The following TPMT variants were observed in gnomAD, a reference collection of about 807,000 sequenced individuals.
TPMT encodes the protein thiopurine S-methyltransferase.
In TPMT, 18 loss-of-function variants were observed where a neutral mutation model predicts 34.2. The observed-to-expected ratio is 0.53, with a 90% CI of 0.36 to 0.78. TPMT has a LOEUF of 0.78. Ranked by LOEUF, TPMT falls within the 30% of genes least tolerant of loss-of-function variation. The pLI, the probability that TPMT is intolerant of heterozygous loss-of-function variation, is 0.00. For missense variants in TPMT, 265 were observed against 288.1 expected (o/e 0.92, Z 0.58); for synonymous variants, 69 against 92.4 (o/e 0.75, Z 1.45).
At position 18,146,419 on chromosome 6, in the gene TPMT, C is replaced by T. The variant is rs763847327; in HGVS notation, c.233+1404G>A. Among the ~76,000 whole-genome samples, 2 of 152,010 alleles carry T rather than the reference C, an allele frequency of 1.3e-5. No homozygotes were observed. The highest frequency in any genetic ancestry group is 4.8e-5 in the African/African-American group (2 of 41,388). On this transcript the variant is annotated intron_variant, in intron 3 of 8. Transcript: ENST00000309983. The surrounding 1 kb of genome is among the most constrained non-coding windows in gnomAD (Gnocchi z 6.2). Reference sequence around the variant, plus strand: ...TTCACCATGTTGGCCAGGCTGGTCTCGAACTCCTGACCTCAAGTGATCCGC... The same window carrying T: ...TTCACCATGTTGGCCAGGCTGGTCTTGAACTCCTGACCTCAAGTGATCCGC...
chr6:18,133,819 G>A lies in TPMT; in HGVS notation c.565C>T (p.Pro189Ser). Residue 189 changes from proline (P) to serine (S), a missense_variant, in exon 7 of 9, where the codon CCA becomes TCA. Pro to Ser is a moderately conservative substitution (Grantham distance 74). Transcript: ENST00000309983. ...QYLLCVLSYD[P>S]TKHPGPPFYV... The stretch of plus-strand genomic sequence containing the variant: ...ACAACTTTACCTGGATGTTTAGTTG[G>A]ATCATAAGAAAGAACACACAGGAGA... 1 of 1,608,832 alleles carries A rather than the reference G, an allele frequency of 6.2e-7. No homozygotes were observed. Among genetic ancestry groups the A allele is most frequent in the Non-Finnish European group, 8.5e-7 (1 of 1,178,362 alleles).
rs1375069991 is a variant in TPMT, at chr6:18,143,231, AG to A, written c.366+364del. On this transcript the variant is annotated intron_variant, in intron 4 of 8. Coordinates refer to ENST00000309983, the MANE Select transcript of TPMT (RefSeq NM_000367.5). The surrounding 1 kb of genome is among the most constrained non-coding windows in gnomAD (Gnocchi z 6.1). ...CCTGTTTCTCTTCTCTCCTAAACTA[AG>A]AGATTCTTTAGGGGTGGGAGTGAGG... Among the ~76,000 whole-genome samples, 5 of 152,064 alleles carry A rather than the reference AG, an allele frequency of 3.3e-5. No individual in the cohort carries two copies. Among genetic ancestry groups the A allele is most frequent in the African/African-American group, 1.2e-4 (5 of 41,412 alleles).
In TPMT at chr6:18,132,231, T is replaced by C; in HGVS notation, c.581-54A>G. ...TTATTTCCAATGACGTAGGTGTACT[T>C]GTTCTACATACAACTTCATTATCCA... On this transcript the variant is annotated intron_variant, in intron 7 of 8. Coordinates refer to ENST00000309983, the MANE Select transcript of TPMT (RefSeq NM_000367.5). This position sits in a 1 kb window ranked among gnomAD's most constrained non-coding sequence, Gnocchi z 4.8. 1.3e-6 allele frequency: 2 copies of C among 1,538,546 alleles called. No individual in the cohort carries two copies. The highest frequency in any genetic ancestry group is 2.2e-5 in the South Asian group (2 of 88,964).
rs1784195607 is a variant in TPMT at position 18,143,784 on chromosome 6, G to A, written c.234-56C>T. The A allele has an allele frequency of 6.3e-7, 1 of 1,596,862 alleles. No individual in the cohort carries two copies. Among genetic ancestry groups the A allele is most frequent in the African/African-American group, 1.3e-5 (1 of 74,422 alleles). ...TATGTTTTCAAATGACTAAATAGAG[G>A]GTTATATTAGAGTAAGCATATATTT... On this transcript the variant is annotated intron_variant, in intron 3 of 8. Coordinates refer to ENST00000309983, the MANE Select transcript of TPMT (RefSeq NM_000367.5). The surrounding 1 kb of genome is among the most constrained non-coding windows in gnomAD (Gnocchi z 6.1).
Position 18,143,554 on chromosome 6 carries a change from G to T in TPMT, c.366+42C>A, listed in dbSNP as rs1470943145. The T allele has an allele frequency of 1.2e-6, 2 of 1,611,024 alleles. No individual in the cohort carries two copies. Among genetic ancestry groups the T allele is most frequent in the South Asian group, 2.2e-5 (2 of 90,910 alleles). On this transcript the variant is annotated intron_variant, in intron 4 of 8. Transcript: ENST00000309983. The surrounding 1 kb of genome is among the most constrained non-coding windows in gnomAD (Gnocchi z 6.1). The stretch of plus-strand genomic sequence containing the variant: ...AATACTCACACTGAGAAAAACTTTT[G>T]TGGGGATATGGATACAATTATTTAC...
chr6:18,152,731 A>G (rs941731596), intron 1 of TPMT, among the ~76,000 whole-genome samples: 24 of 152,094 alleles, frequency 1.6e-4, no homozygotes, highest in Non-Finnish European at 1.2e-4. Context: ...CCAAGAGTAG[A>G]TAGAGCGTCA....
rs1336878646 is a variant in TPMT, at chr6:18,130,406, A to C, written c.*262T>G. ...CATGCTGATTGGTAAAATATCTTGC[A>C]ATCTGCAAGACACATAGGCATAATC... is the stretch of plus-strand genomic sequence containing the variant. On this transcript the variant is annotated 3_prime_UTR_variant, in exon 9 of 9. Coordinates refer to ENST00000309983, the MANE Select transcript of TPMT (RefSeq NM_000367.5). This position sits in a 1 kb window ranked among gnomAD's most constrained non-coding sequence, Gnocchi z 4.2. The C allele has an allele frequency of 1.8e-5, 7 of 388,558 alleles. No homozygotes were observed. The highest frequency in any genetic ancestry group is 3.3e-5 in the Non-Finnish European group (7 of 212,686). The allele number at this position is 388,558 out of a possible 1,614,324, so 24.1% of individuals were successfully genotyped here. A position where few individuals can be genotyped will look rare whatever the true frequency, so the allele number is the denominator to read the frequency against.
Position 18,153,445 on chromosome 6 carries a change from A to T in TPMT, c.-45+1588T>A, listed in dbSNP as rs1784392334. On this transcript the variant is annotated intron_variant, in intron 1 of 8. Coordinates refer to ENST00000309983, the MANE Select transcript of TPMT (RefSeq NM_000367.5). This position sits in a 1 kb window ranked among gnomAD's most constrained non-coding sequence, Gnocchi z 4.2. ...CTAGTTTGGATTATACTAGCATGCT[A>T]TTATTGGTGGTTCTAATTTAATGAT... 6.6e-6 allele frequency among the ~76,000 whole-genome samples: 1 copy of T among 152,222 alleles called. No homozygotes were observed. The highest frequency in any genetic ancestry group is 1.5e-5 in the Non-Finnish European group (1 of 68,034).
rs1323577507 is a variant in TPMT, at chr6:18,146,459, G to C, written c.233+1364C>G. ...AAGTGATCCGCTCACCTAATTAAAG[G>C]TGTGAGCCACCGCACCTGGCCAGTT... On this transcript the variant is annotated intron_variant, in intron 3 of 8. Transcript: ENST00000309983. The surrounding 1 kb of genome is among the most constrained non-coding windows in gnomAD (Gnocchi z 6.2). Among the ~76,000 whole-genome samples, 1 of 152,032 alleles carries C rather than the reference G, an allele frequency of 6.6e-6. No individual in the cohort carries two copies. The highest frequency in any genetic ancestry group is 1.5e-5 in the Non-Finnish European group (1 of 68,024).
At position 18,153,704 on chromosome 6, in the gene TPMT, G is replaced by A. The variant is rs1304939985; in HGVS notation, c.-45+1329C>T. The stretch of plus-strand genomic sequence containing the variant: ...TCTGAGAGGTCAGTAGAAAGTATCT[G>A]ATTTATATTGGGTACAGAAAAGCAA... On this transcript the variant is annotated intron_variant, in intron 1 of 8. Transcript: ENST00000309983. This position sits in a 1 kb window ranked among gnomAD's most constrained non-coding sequence, Gnocchi z 4.2. 2.6e-5 allele frequency among the ~76,000 whole-genome samples: 4 copies of A among 152,036 alleles called. No homozygotes were observed. The highest frequency in any genetic ancestry group is 5.9e-5 in the Non-Finnish European group (4 of 68,034).
chr6:18,152,587 CTTTCTTTTTTTT>C (rs1211217805), intron 1 of TPMT, among the ~76,000 whole-genome samples: 2 of 148,996 alleles, frequency 1.3e-5, no homozygotes, highest in Admixed American at 1.3e-4. Context: ...CCTTTTCTTT[CTTTCTTTTTTTT>C]TTTTTTGAGA....
intron 4 of TPMT, among the ~76,000 whole-genome samples, chr6:18,142,231 C>T (rs1784157052): frequency 6.6e-6 from 1 of 151,874 alleles, no homozygotes; most frequent in South Asian, 2.1e-4. Context: ...TAAACCTCCA[C>T]TCCTGAACTC....
intron 7 of TPMT, among the ~76,000 whole-genome samples, chr6:18,133,461 G>A (rs1377194666): frequency 6.6e-6 from 1 of 152,208 alleles, no homozygotes; most frequent in East Asian, 1.9e-4. Context: ...TACCACTTGG[G>A]TGATACGGAT....
rs1784033184 is a variant in TPMT, at chr6:18,135,835, C to T, written c.495-1946G>A. On this transcript the variant is annotated intron_variant, in intron 6 of 8. Coordinates refer to ENST00000309983, the MANE Select transcript of TPMT (RefSeq NM_000367.5). The surrounding 1 kb of genome is among the most constrained non-coding windows in gnomAD (Gnocchi z 5.0). ...AGTGAGCCGAGATCATGCCATTGCA[C>T]TCCAGCCTGGGCAACAAGAGTGGAA... Among the ~76,000 whole-genome samples the T allele has an allele frequency of 6.6e-6, 1 of 152,090 alleles. No individual in the cohort carries two copies.
rs114600124 is a variant in TPMT at position 18,134,556 on chromosome 6, G to T, written c.495-667C>A. 7.4e-3 allele frequency among the ~76,000 whole-genome samples: 1,133 copies of T among 152,284 alleles called. 11 individuals are homozygous for T. The highest frequency in any genetic ancestry group is 0.026 in the African/African-American group (1,061 of 41,564). ...TTGAGTAGGTGCCTCAGGGAGCCAG[G>T]TCTGATTGGCTCAGAGTGGGAAGCT... On this transcript the variant is annotated intron_variant, in intron 6 of 8. Coordinates refer to ENST00000309983, the MANE Select transcript of TPMT (RefSeq NM_000367.5).
In TPMT at chr6:18,130,624, C is replaced by T. The variant is rs886061265; in HGVS notation, c.*44G>A. On this transcript the variant is annotated 3_prime_UTR_variant, in exon 9 of 9. Transcript: ENST00000309983. The surrounding 1 kb of genome is among the most constrained non-coding windows in gnomAD (Gnocchi z 4.2). ...TCAGGCTTTAGCATAATTTTCAATT[C>T]CTCAAAAACATGTCAGTGTGATTTT... is the stretch of plus-strand genomic sequence containing the variant. 2.2e-5 allele frequency: 29 copies of T among 1,302,538 alleles called. No individual in the cohort carries two copies. Among genetic ancestry groups the T allele is most frequent in the Non-Finnish European group, 3.2e-5 (29 of 900,170 alleles). 80.7% of individuals were successfully genotyped at this position (1,302,538 alleles called of 1,614,324 possible). A position where few individuals can be genotyped will look rare whatever the true frequency, so the allele number is the denominator to read the frequency against.
rs1038727797 is a variant in TPMT at position 18,139,212 on chromosome 6, C to T, written c.420-175G>A. Among the ~76,000 whole-genome samples, 1 of 152,104 alleles carries T rather than the reference C, an allele frequency of 6.6e-6. No homozygotes were observed. Among genetic ancestry groups the T allele is most frequent in the African/African-American group, 2.4e-5 (1 of 41,418 alleles). Reference sequence around the variant, plus strand: ...CTGGGTGTGGAGAGCTGTCCATCCCCTCATGGTTTTAGGAGCCTGTGGCAG... The same window carrying T: ...CTGGGTGTGGAGAGCTGTCCATCCCTTCATGGTTTTAGGAGCCTGTGGCAG... On this transcript the variant is annotated intron_variant, in intron 5 of 8. Transcript: ENST00000309983. The surrounding 1 kb of genome is among the most constrained non-coding windows in gnomAD (Gnocchi z 4.2).
At position 18,148,255 on chromosome 6, in the gene TPMT, C is replaced by T. The variant is rs373780271; in HGVS notation, c.141-340G>A. On this transcript the variant is annotated intron_variant, in intron 2 of 8. Transcript: ENST00000309983. This position sits in a 1 kb window ranked among gnomAD's most constrained non-coding sequence, Gnocchi z 4.1. The stretch of plus-strand genomic sequence containing the variant: ...ATTTTTCAACATTAATTTCATGGTA[C>T]GTTCTCTAAACGTGTACTCAAGCCT... 6.6e-6 allele frequency among the ~76,000 whole-genome samples: 1 copy of T among 152,052 alleles called. No individual in the cohort carries two copies. The highest frequency in any genetic ancestry group is 1.5e-5 in the Non-Finnish European group (1 of 68,018).
In TPMT at chr6:18,130,538, T is replaced by C; in HGVS notation, c.*130A>G. ...AGTAAATGGCTTTACTAAAAAGCCA[T>C]TTTTAGTAAAGATCTATCATATGAT... On this transcript the variant is annotated 3_prime_UTR_variant, in exon 9 of 9. Coordinates refer to ENST00000309983, the MANE Select transcript of TPMT (RefSeq NM_000367.5). The surrounding 1 kb of genome is among the most constrained non-coding windows in gnomAD (Gnocchi z 4.2). The C allele has an allele frequency of 1.4e-6, 1 of 689,846 alleles. No individual in the cohort carries two copies. Among genetic ancestry groups the C allele is most frequent in the Non-Finnish European group, 2.5e-6 (1 of 407,644 alleles). The allele number at this position is 689,846 out of a possible 1,614,324, so 42.7% of individuals were successfully genotyped here. A position where few individuals can be genotyped will look rare whatever the true frequency, so the allele number is the denominator to read the frequency against.
Sources: allele counts gnomAD v4.1 joint callset (sites outside exome capture counted in the v4.1 genomes callset), GRCh38; gene constraint gnomAD v4.1.1; non-coding constraint Gnocchi (gnomAD v3.1); transcripts MANE v1.5; gene names NCBI Gene and HGNC (gene_info 2026-07-23, HGNC 2026-07-21).